The following SAMD3 variants were observed in gnomAD, a reference collection of about 807,000 sequenced individuals.
SAMD3 encodes the protein sterile alpha motif domain containing 3.
A neutral mutation model predicts 58.5 loss-of-function variants in SAMD3; 63 were observed. That is an observed-to-expected ratio of 1.08 (90% CI 0.88 to 1.33). SAMD3 has a LOEUF of 1.33. SAMD3 is among the 40% of genes most tolerant of loss of function. The pLI is 0.00. For synonymous variants in SAMD3, 220 were observed against 210.3 expected, an observed-to-expected ratio of 1.05 and a Z score of -0.40; for missense variants, 604 against 608.4, an observed-to-expected ratio of 0.99 and a Z score of 0.08.
chr6:130,250,204 G>A (rs1773693950), intron 2 of SAMD3, among the ~76,000 whole-genome samples: 1 of 152,098 alleles, frequency 6.6e-6, no homozygotes, highest in African/African-American at 2.4e-5. Context: ...ATTGAATAAA[G>A]GTATTTCTAA....
intron 1 of SAMD3, among the ~76,000 whole-genome samples, chr6:130,328,075 C>A (rs1340440628): frequency 6.6e-6 from 1 of 152,164 alleles, no homozygotes; most frequent in Non-Finnish European, 1.5e-5. Flanking sequence ...CTTTCTGAGT[C>A]TCCCATTGAA....
intron 5 of SAMD3, among the ~76,000 whole-genome samples, chr6:130,207,159 C>CAAAAAAAAAAAAAAAAAAAAAAA (rs376844642): frequency 5.7e-5 from 3 of 52,710 alleles, no homozygotes; most frequent in Non-Finnish European, 1.2e-4. Context: ...CCCATCTCAT[C>CAAAAAAAAAAAAAAAAAAAAAAA]AAAAAAAAAA....
intron 8 of SAMD3, among the ~76,000 whole-genome samples, chr6:130,171,117 A>G (rs563552529): frequency 6.6e-6 from 1 of 152,306 alleles, no homozygotes; most frequent in African/African-American, 2.4e-5. Context: ...TGTTCCATCA[A>G]TACCTAGGTT....
chr6:130,343,539 G>A (rs1438772430), intron 1 of SAMD3, among the ~76,000 whole-genome samples: 1 of 152,174 alleles, frequency 6.6e-6, no homozygotes, highest in Non-Finnish European at 1.5e-5. Flanking sequence ...GGTTCACTGT[G>A]GGGAGAGCTC....
chr6:130,282,859 A>G (rs527874295), intron 2 of SAMD3, among the ~76,000 whole-genome samples: 26 of 152,318 alleles, frequency 1.7e-4, no homozygotes, highest in African/African-American at 6.0e-4. Context: ...CTCTTGGGGC[A>G]TGTAAAAGAA....
At chr6:130,183,983 TGA>T (rs144208556) in intron 7 of SAMD3, 118 bp downstream of exon 7, 30,394 of 559,936 alleles carry the variant, frequency 0.054, no homozygotes, top group South Asian at 0.073. Flanking sequence ...ATAGACAGAA[TGA>T]GAGAGAGAGA....
chr6:130,171,404 T>C (rs975658304), intron 8 of SAMD3, among the ~76,000 whole-genome samples: 1 of 152,194 alleles, frequency 6.6e-6, no homozygotes, highest in Admixed American at 6.5e-5. Flanking sequence ...AATCTTCTGG[T>C]ACATTGTATC....
At chr6:130,164,464 A>G (rs1314210049) in intron 8 of SAMD3, among the ~76,000 whole-genome samples, 3 of 152,230 alleles carry the variant, frequency 2.0e-5, no homozygotes, top group Admixed American at 6.5e-5. Flanking sequence ...GGAGGATGGT[A>G]GGACTAGCCT....
intron 2 of SAMD3, among the ~76,000 whole-genome samples, chr6:130,290,704 C>A (rs1478592244): frequency 6.6e-6 from 1 of 152,174 alleles, no homozygotes; most frequent in Non-Finnish European, 1.5e-5. Context: ...GTGTTCTCAT[C>A]TGTTAAACCA....
intron 9 of SAMD3, among the ~76,000 whole-genome samples, chr6:130,150,118 C>T (rs1473234037): frequency 5.3e-5 from 8 of 151,584 alleles, no homozygotes; most frequent in South Asian, 4.2e-4. Context: ...TGTGTGCGCG[C>T]GTGTGTGTGT....
At chr6:130,148,863 C>A (rs990254615) in intron 9 of SAMD3, among the ~76,000 whole-genome samples, 1 of 151,498 alleles carries the variant, frequency 6.6e-6, no homozygotes, top group Non-Finnish European at 1.5e-5. Flanking sequence ...GAGACTTTCT[C>A]AAAAAAAACC....
At chr6:130,200,578 A>AAC (rs397768272) in intron 5 of SAMD3, among the ~76,000 whole-genome samples, 1 of 148,342 alleles carries the variant, frequency 6.7e-6, no homozygotes, top group Non-Finnish European at 1.5e-5. Flanking sequence ...AAAAAAAAAA[A>AAC]GGGGAATGAG....
chr6:130,306,850 G>C (rs1775927184), intron 2 of SAMD3, among the ~76,000 whole-genome samples: 1 of 152,128 alleles, frequency 6.6e-6, no homozygotes, highest in Non-Finnish European at 1.5e-5. Flanking sequence ...ATATTTGCCA[G>C]AACCAACTGA....
At chr6:130,287,943 CAAAAAAA>C (rs3029967) in intron 2 of SAMD3, among the ~76,000 whole-genome samples, 1 of 107,068 alleles carries the variant, frequency 9.3e-6, no homozygotes, top group African/African-American at 3.8e-5. Context: ...GACTCCGTCT[CAAAAAAA>C]AAAAAAAAAA....
intron 1 of SAMD3, among the ~76,000 whole-genome samples, chr6:130,327,959 T>G (rs1776808671): frequency 6.6e-6 from 1 of 152,154 alleles, no homozygotes; most frequent in Non-Finnish European, 1.5e-5. Flanking sequence ...ATTGTTTATC[T>G]CCAGAAATGG....
At chr6:130,306,444 G>A (rs1775912832) in intron 2 of SAMD3, among the ~76,000 whole-genome samples, 2 of 152,160 alleles carry the variant, frequency 1.3e-5, no homozygotes, top group Non-Finnish European at 2.9e-5. Flanking sequence ...ACGATTCTGA[G>A]GCTGCTGTAG....
intron 5 of SAMD3, among the ~76,000 whole-genome samples, chr6:130,205,082 T>A (rs1387988281): frequency 6.6e-6 from 1 of 151,214 alleles, no homozygotes; most frequent in Admixed American, 6.6e-5. Context: ...CAAGAAAGCC[T>A]GTAGTCAAAT....
intron 2 of SAMD3, among the ~76,000 whole-genome samples, chr6:130,308,784 C>A (rs887182260): frequency 2.6e-5 from 4 of 151,962 alleles, no homozygotes; most frequent in African/African-American, 9.7e-5. Flanking sequence ...AAAAATGGCC[C>A]AAGCTACTTG....
At position 130,272,140 on chromosome 6, in the gene SAMD3, T is replaced by G. The variant is rs963292843; in HGVS notation, c.-188+40838A>C. Among the ~76,000 whole-genome samples, 11 of 152,336 alleles carry G rather than the reference T, an allele frequency of 7.2e-5. No homozygotes were observed. The East Asian group carries it at 2.1e-3, about 29-fold the overall frequency. ...ATATTGTTACGTTTAAAGTTTTGATTCCCTTGTAAGTTATTTTTGTGAAAA... is the reference window on the plus strand; with the variant it reads ...ATATTGTTACGTTTAAAGTTTTGATGCCCTTGTAAGTTATTTTTGTGAAAA... On this transcript the variant is annotated intron_variant, in intron 2 of 13. Coordinates refer to the SAMD3 transcript ENST00000368134.
Sources: gnomAD v4.1 joint callset for allele counts (sites outside exome capture counted in the v4.1 genomes callset) on GRCh38, gnomAD v4.1.1 for gene constraint, MANE v1.5 for transcripts, NCBI Gene and HGNC (gene_info 2026-07-23, HGNC 2026-07-21) for gene names.